The following DUSP2 variants were observed in gnomAD, a reference collection of about 807,000 sequenced individuals.
The protein encoded by DUSP2 is dual specificity protein phosphatase 2.
Under a neutral mutation model 23.3 loss-of-function variants are expected in DUSP2, and 20 were observed. That is an observed-to-expected ratio of 0.86 (90% CI 0.60 to 1.25). The LOEUF is 1.25. Ranked by LOEUF, DUSP2 falls within the 50% of genes most tolerant of loss-of-function variation. The pLI is 0.00. For synonymous variants in DUSP2, 231 were observed against 209.7 expected (o/e 1.10, Z -0.88); for missense variants, 435 against 452.6 (o/e 0.96, Z 0.35).
Position 96,144,842 on chromosome 2 carries a change from GCACAGATCGGGA to G in DUSP2, c.417_428del (p.Pro140_Cys143del). 8 of 1,558,924 alleles carry G rather than the reference GCACAGATCGGGA, an allele frequency of 5.1e-6. No individual in the cohort carries two copies. The highest frequency in any genetic ancestry group is 6.9e-6 in the Non-Finnish European group (8 of 1,152,152). Reference sequence around the variant, plus strand: ...GCAGCGCAGGGGCGGGGGCCTCAGAGCACAGATCGGGACAGCAGCCCTGGAAGCCGTCGAAGC... The same window carrying G: ...GCAGCGCAGGGGCGGGGGCCTCAGAGCAGCAGCCCTGGAAGCCGTCGAAGC... On this transcript the variant is annotated inframe_deletion, in exon 2 of 4. Coordinates refer to ENST00000288943, the MANE Select transcript of DUSP2 (RefSeq NM_004418.4).
rs1265810858 is a variant in DUSP2, at chr2:96,143,302, A to T, written c.*521T>A. The T allele has an allele frequency of 6.4e-6, 1 of 156,352 alleles. No homozygotes were observed. The highest frequency in any genetic ancestry group is 1.4e-5 in the Non-Finnish European group (1 of 70,602). The allele number at this position is 156,352 out of a possible 1,614,324, so 9.7% of individuals were successfully genotyped here. A position where few individuals can be genotyped will look rare whatever the true frequency, so the allele number is the denominator to read the frequency against. On this transcript the variant is annotated 3_prime_UTR_variant, in exon 4 of 4. Transcript: ENST00000288943. ...AGGGAGTGTTAAATGTCAGCTGAGC[A>T]CAAATAATTTTCCAGCGCCAGCACA...
rs1322106135 is a variant in DUSP2 at position 96,144,900 on chromosome 2, G to C, written c.389-18C>G. 1.3e-6 allele frequency: 2 copies of C among 1,548,576 alleles called. No individual in the cohort carries two copies. The highest frequency in any genetic ancestry group is 1.7e-6 in the Non-Finnish European group (2 of 1,145,748). On this transcript the variant is annotated intron_variant, in intron 1 of 3. Transcript: ENST00000288943. Reference sequence around the variant, plus strand: ...GAAGCCTCCTGCAAGGAGGGGAAGAGCACGATCAGCAGGGAAAGCCGGGCT... The same window carrying C: ...GAAGCCTCCTGCAAGGAGGGGAAGACCACGATCAGCAGGGAAAGCCGGGCT...
Position 96,144,231 on chromosome 2 carries a change from C to A in DUSP2, c.653G>T (p.Arg218Leu), listed in dbSNP as rs144192490. ...SCPNHFEGLF[R>L]YKSIPVEDNQ... ...GTCCTCCACAGGGATACTCTTGTAGCGGAAAAGGCCCTCAAAGTGGTTGGG... is the reference window on the plus strand; with the variant it reads ...GTCCTCCACAGGGATACTCTTGTAGAGGAAAAGGCCCTCAAAGTGGTTGGG... The change falls in exon 3 of 4, where the codon CGC becomes CTC. Residue 218 changes from arginine to leucine, a missense_variant. Coordinates refer to ENST00000288943, the MANE Select transcript of DUSP2 (RefSeq NM_004418.4). 2 of 1,614,032 alleles carry A rather than the reference C, an allele frequency of 1.2e-6. No homozygotes were observed. The highest frequency in any genetic ancestry group is 1.7e-5 in the Admixed American group (1 of 60,014).
chr2:96,144,580 C>A (rs190717625), intron 2 of DUSP2, 181 bp downstream of exon 2: 119 of 721,110 alleles, frequency 1.7e-4, no homozygotes, highest in Non-Finnish European at 2.2e-4. Context: ...CAAACATACA[C>A]AGACCCATAC....
chr2:96,145,277 G>T lies in DUSP2; in HGVS notation c.78C>A (p.Arg26=), dbSNP rs1366183168. The change falls in exon 1 of 4, where the codon CGC becomes CGA. Residue 26 remains arginine, a synonymous_variant. Transcript: ENST00000288943. ...AGGGGCGGCAGTCCAGCAGCAGCGT[G>T]CGTTCCGCCTCCCGCGGATCCCGCA... ...TLLRDPREAE[R]TLLLDCRPFL... 3 of 1,342,308 alleles carry T rather than the reference G, an allele frequency of 2.2e-6. No individual in the cohort carries two copies. Among genetic ancestry groups the T allele is most frequent in the Non-Finnish European group, 2.9e-6 (3 of 1,051,922 alleles). 83.1% of individuals were successfully genotyped at this position (1,342,308 alleles called of 1,614,324 possible). A position where few individuals can be genotyped will look rare whatever the true frequency, so the allele number is the denominator to read the frequency against.
intron 1 of DUSP2, 28 bp from the exon 2 acceptor site, chr2:96,144,910 C>T: frequency 1.3e-6 from 2 of 1,547,926 alleles, no homozygotes; most frequent in Non-Finnish European, 1.7e-6. Context: ...GCACGATCAG[C>T]AGGGAAAGCC....
chr2:96,143,739 A>T lies in DUSP2; in HGVS notation c.*84T>A, dbSNP rs1410476498. On this transcript the variant is annotated 3_prime_UTR_variant, in exon 4 of 4. Transcript: ENST00000288943. Reference sequence around the variant, plus strand: ...TAGCAGCCCTGCCAGAGGTGAGGGGACTGTGCTGGCCCAGAGGGGAGCCCA... The same window carrying T: ...TAGCAGCCCTGCCAGAGGTGAGGGGTCTGTGCTGGCCCAGAGGGGAGCCCA... 3 of 1,514,360 alleles carry T rather than the reference A, an allele frequency of 2.0e-6. No individual in the cohort carries two copies. Among genetic ancestry groups the T allele is most frequent in the Non-Finnish European group, 2.7e-6 (3 of 1,111,108 alleles). The allele number at this position is 1,514,360 out of a possible 1,614,324, so 93.8% of individuals were successfully genotyped here.
chr2:96,143,952 G>A lies in DUSP2; in HGVS notation c.816C>T (p.Leu272=), dbSNP rs760676017. 1.2e-6 allele frequency: 2 copies of A among 1,613,854 alleles called. No homozygotes were observed. Among genetic ancestry groups the A allele is most frequent in the Non-Finnish European group, 1.7e-6 (2 of 1,180,034 alleles). ...CCAGCCGCACACGGCGACTCTGCATGAGGTATGCCAGACAGATGGTGGCAG... is the reference window on the plus strand; with the variant it reads ...CCAGCCGCACACGGCGACTCTGCATAAGGTATGCCAGACAGATGGTGGCAG... The part of the protein sequence containing the change: ...SRSATICLAY[L]MQSRRVRLDE... The change falls in exon 4 of 4, where the codon CTC becomes CTT. Residue 272 remains leucine, a synonymous_variant. Coordinates refer to ENST00000288943, the MANE Select transcript of DUSP2 (RefSeq NM_004418.4).
chr2:96,145,279 G>A lies in DUSP2; in HGVS notation c.76C>T (p.Arg26Cys). 1 of 1,347,468 alleles carries A rather than the reference G, an allele frequency of 7.4e-7. No homozygotes were observed. The highest frequency in any genetic ancestry group is 9.5e-7 in the Non-Finnish European group (1 of 1,054,528). 83.5% of individuals were successfully genotyped at this position (1,347,468 alleles called of 1,614,324 possible). ...TLLRDPREAE[R>C]TLLLDCRPFL... ...GGGCGGCAGTCCAGCAGCAGCGTGC[G>A]TTCCGCCTCCCGCGGATCCCGCAGC... The change falls in exon 1 of 4, where the codon CGC (arginine) becomes TGC (cysteine). Residue 26 changes from arginine (R) to cysteine (C), a missense_variant. Arg to Cys is a radical substitution (Grantham distance 180). Transcript: ENST00000288943.
chr2:96,144,480 G>T, intron 2 of DUSP2, 107 bp from the exon 3 acceptor site: 2 of 1,106,878 alleles, frequency 1.8e-6, no homozygotes, highest in South Asian at 1.5e-5. Flanking sequence ...GGACTCCTCA[G>T]CCAGTCCTCC....
Position 96,144,898 on chromosome 2 carries a change from G to T in DUSP2, c.389-16C>A. ...TCGAAGCCTCCTGCAAGGAGGGGAA[G>T]AGCACGATCAGCAGGGAAAGCCGGG... On this transcript the variant is annotated splice_polypyrimidine_tract_variant and intron_variant, in intron 1 of 3. Coordinates refer to ENST00000288943, the MANE Select transcript of DUSP2 (RefSeq NM_004418.4). 1 of 1,549,056 alleles carries T rather than the reference G, an allele frequency of 6.5e-7. No homozygotes were observed. The highest frequency in any genetic ancestry group is 2.4e-5 in the East Asian group (1 of 41,216).
At chr2:96,144,440 T>A in intron 2 of DUSP2, 67 bp from the exon 3 acceptor site, 2 of 1,530,948 alleles carry the variant, frequency 1.3e-6, no homozygotes, top group South Asian at 2.4e-5. Flanking sequence ...CAGCAGCGGG[T>A]GGAGACCCCA....
intron 3 of DUSP2, 54 bp from the exon 4 acceptor site, chr2:96,144,091 C>G: frequency 5.6e-6 from 9 of 1,612,078 alleles, no homozygotes; most frequent in Non-Finnish European, 7.6e-6. Context: ...GCCCAGGAGA[C>G]AGGTGCCCCC....
At chr2:96,144,617 C>T (rs1219432512) in intron 2 of DUSP2, 144 bp downstream of exon 2, 1 of 845,558 alleles carries the variant, frequency 1.2e-6, no homozygotes, top group Non-Finnish European at 1.8e-6. Context: ...CCATGCCCCA[C>T]CCCCTCCCCC....
Position 96,145,219 on chromosome 2 carries a change from C to G in DUSP2, c.136G>C (p.Ala46Pro). ...AGCGCGTTCCAAGGCACTGGCCGCG[C>G]GGCGCGCACGTGGCGCCGGCAGAAG... ...LAFCRRHVRA[A>P]RPVPWNALLR... is the part of the protein sequence containing the mutation. The change falls in exon 1 of 4, where the codon GCG becomes CCG. Residue 46 changes from alanine (A) to proline (P), a missense_variant. Transcript: ENST00000288943. 7.9e-7 allele frequency: 1 copy of G among 1,272,818 alleles called. No individual in the cohort carries two copies. The highest frequency in any genetic ancestry group is 3.2e-5 in the East Asian group (1 of 31,588). 78.8% of individuals were successfully genotyped at this position (1,272,818 alleles called of 1,614,324 possible).
Position 96,145,222 on chromosome 2 carries a change from C to G in DUSP2, c.133G>C (p.Ala45Pro), listed in dbSNP as rs530329347. Residue 45 changes from alanine (A) to proline (P), a missense_variant, in exon 1 of 4, where the codon GCC (alanine) becomes CCC (proline). Coordinates refer to ENST00000288943, the MANE Select transcript of DUSP2 (RefSeq NM_004418.4). ...FLAFCRRHVR[A>P]ARPVPWNALL... ...GCGTTCCAAGGCACTGGCCGCGCGGCGCGCACGTGGCGCCGGCAGAAGGCC... is the reference window on the plus strand; with the variant it reads ...GCGTTCCAAGGCACTGGCCGCGCGGGGCGCACGTGGCGCCGGCAGAAGGCC... The G allele has an allele frequency of 3.6e-4, 459 of 1,273,680 alleles. 1 individual carries two copies. The African/African-American group carries it at 6.1e-3, about 17-fold the overall frequency. The allele number at this position is 1,273,680 out of a possible 1,614,324, so 78.9% of individuals were successfully genotyped here. A position where few individuals can be genotyped will look rare whatever the true frequency, so the allele number is the denominator to read the frequency against.
intron 2 of DUSP2, 23 bp from the exon 3 acceptor site, chr2:96,144,396 G>A: frequency 6.2e-7 from 1 of 1,604,946 alleles, no homozygotes; most frequent in East Asian, 2.2e-5. Flanking sequence ...GAGGGGCGGT[G>A]AGGCCTTTCC....
chr2:96,144,125 G>T (rs758707947), intron 3 of DUSP2, 29 bp downstream of exon 3: 1 of 1,613,146 alleles, frequency 6.2e-7, no homozygotes, highest in African/African-American at 1.3e-5. Flanking sequence ...GGAGCCCCTC[G>T]GGATTTCTGG....
chr2:96,144,496 T>A, intron 2 of DUSP2, 123 bp from the exon 3 acceptor site: 2 of 946,048 alleles, frequency 2.1e-6, no homozygotes, highest in Non-Finnish European at 3.2e-6. Flanking sequence ...CCTCCTGACC[T>A]GAGACAGGTC....
Sources: allele counts gnomAD v4.1 joint callset, GRCh38; gene constraint gnomAD v4.1.1; transcripts MANE v1.5; gene names NCBI Gene and HGNC (gene_info 2026-07-23, HGNC 2026-07-21).